The following TENM4 variants were observed in gnomAD, a reference collection of about 807,000 sequenced individuals.
TENM4 encodes teneurin-4.
TENM4 carries 82 observed loss-of-function variants against 243.3 expected under a neutral mutation model. The observed-to-expected ratio is 0.34, with a 90% CI of 0.28 to 0.40. The LOEUF is 0.40. TENM4 is among the 10% of genes least tolerant of loss of function. The pLI, the probability that TENM4 is intolerant of heterozygous loss-of-function variation, is 1.00. For missense variants in TENM4, 3,138 were observed against 3,673.3 expected (o/e 0.85, Z 3.77); for synonymous variants, 1,412 against 1,456.3 (o/e 0.97, Z 0.69).
At chr11:79,309,930 CA>C (rs1260144014) in intron 1 of TENM4, among the ~76,000 whole-genome samples, 1 of 152,174 alleles carries the variant, frequency 6.6e-6, no homozygotes, top group African/African-American at 2.4e-5. Context: ...ACTTGACTGC[CA>C]AGATAATCTG....
chr11:78,910,681 T>C (rs1257305902), intron 6 of TENM4, among the ~76,000 whole-genome samples: 1 of 152,244 alleles, frequency 6.6e-6, no homozygotes, highest in Non-Finnish European at 1.5e-5. Context: ...GTATTATTGT[T>C]ACCTGAACCT....
chr11:79,134,440 C>T (rs1862069748), intron 4 of TENM4, among the ~76,000 whole-genome samples: 1 of 152,054 alleles, frequency 6.6e-6, no homozygotes, highest in Admixed American at 6.6e-5. Context: ...TCTAAAAATT[C>T]AACCCAATTC....
Position 78,903,361 on chromosome 11 carries a change from G to C in TENM4, c.656C>G (p.Ser219Trp). 6.7e-7 allele frequency: 1 copy of C among 1,498,302 alleles called. No homozygotes were observed. 92.8% of individuals were successfully genotyped at this position (1,498,302 alleles called of 1,614,324 possible). A position where few individuals can be genotyped will look rare whatever the true frequency, so the allele number is the denominator to read the frequency against. ...GCCGGCAGGGGGCTCTCCGGAGAGC[G>C]AGTGGTCCGTGGGGGCCGGGCTGGG... ...SNPSPAPTDH[S>W]LSGEPPAGGA... The change falls in exon 7 of 34, where the codon TCG (serine) becomes TGG (tryptophan). Residue 219 changes from serine (S) to tryptophan (W), a missense_variant. Physicochemically the swap from Ser to Trp is radical, Grantham distance 177. Coordinates refer to ENST00000278550, the MANE Select transcript of TENM4 (RefSeq NM_001098816.3).
chr11:79,022,118 C>T (rs1858944819), intron 6 of TENM4, among the ~76,000 whole-genome samples: 1 of 152,202 alleles, frequency 6.6e-6, no homozygotes, highest in Admixed American at 6.5e-5. Flanking sequence ...ACCTTGCTGG[C>T]CTCCACCAAA....
intron 25 of TENM4, among the ~76,000 whole-genome samples, chr11:78,720,103 A>G (rs1859610664): frequency 6.6e-6 from 1 of 152,192 alleles, no homozygotes; most frequent in African/African-American, 2.4e-5. Context: ...TCAAATTACT[A>G]TTCCAAGGTT....
In TENM4 at chr11:79,278,764, G is replaced by A. The variant is rs570715482; in HGVS notation, c.-265+18724C>T. ...TCTCTCAGGAATTCTCAGAGCTTGC[G>A]GCTCCCAAGTGGTGCTGGGTATGTG... On this transcript the variant is annotated intron_variant, in intron 2 of 33. Coordinates refer to ENST00000278550, the MANE Select transcript of TENM4 (RefSeq NM_001098816.3). 6.6e-5 allele frequency among the ~76,000 whole-genome samples: 10 copies of A among 152,268 alleles called. No individual in the cohort carries two copies. In the East Asian group the frequency reaches 1.4e-3, roughly 21 times the overall value.
chr11:79,320,307 T>C (rs563444456), intron 1 of TENM4, among the ~76,000 whole-genome samples: 144 of 152,354 alleles, frequency 9.5e-4, no homozygotes, highest in Non-Finnish European at 1.5e-3. Flanking sequence ...AGCTGCATGA[T>C]GCAAACTATC....
chr11:78,708,899 C>T (rs542549930), intron 26 of TENM4, among the ~76,000 whole-genome samples: 2 of 151,800 alleles, frequency 1.3e-5, no homozygotes, highest in Non-Finnish European at 2.9e-5. Context: ...TCACCTATTT[C>T]TGAAGCTCTG....
intron 3 of TENM4, among the ~76,000 whole-genome samples, chr11:79,149,308 T>C (rs1279199306): frequency 6.6e-6 from 1 of 152,162 alleles, no homozygotes; most frequent in African/African-American, 2.4e-5. Context: ...TTACTTATAT[T>C]TGCTGTTGTT....
At chr11:79,322,918 C>T (rs1163140477) in intron 1 of TENM4, among the ~76,000 whole-genome samples, 1 of 152,198 alleles carries the variant, frequency 6.6e-6, no homozygotes, top group Admixed American at 6.5e-5. Context: ...AACCCAGTAC[C>T]TTCACCTCCT....
intron 19 of TENM4, among the ~76,000 whole-genome samples, chr11:78,754,888 C>G (rs757915583): frequency 7.2e-5 from 11 of 152,228 alleles, no homozygotes; most frequent in Non-Finnish European, 1.5e-4. Context: ...GGTTTGAATT[C>G]TGCCACGCAC....
chr11:78,722,954 G>A (rs766774412), intron 23 of TENM4, 37 bp from the exon 24 acceptor site: 1 of 1,601,926 alleles, frequency 6.2e-7, no homozygotes, highest in African/African-American at 1.3e-5. Flanking sequence ...CTGTGGAGCA[G>A]GAAATGGGTA....
chr11:78,732,270 A>T (rs758509444), intron 21 of TENM4, 46 bp downstream of exon 21: 1 of 1,546,546 alleles, frequency 6.5e-7, no homozygotes. Flanking sequence ...TCCACCCCCA[A>T]AATGAAATAA....
At chr11:78,707,176 A>ATT (rs1859277451) in intron 27 of TENM4, among the ~76,000 whole-genome samples, 3 of 152,236 alleles carry the variant, frequency 2.0e-5, no homozygotes, top group Non-Finnish European at 2.9e-5. Context: ...AGGGGTTTAA[A>ATT]AAGCTAAATG....
chr11:79,128,378 G>T (rs571389074), intron 4 of TENM4, among the ~76,000 whole-genome samples: 1 of 152,264 alleles, frequency 6.6e-6, no homozygotes, highest in South Asian at 2.1e-4. Context: ...CCATAAAGTG[G>T]CTCATGCACA....
chr11:79,006,677 C>T (rs1565164238), intron 6 of TENM4, among the ~76,000 whole-genome samples: 1 of 152,148 alleles, frequency 6.6e-6, no homozygotes, highest in Non-Finnish European at 1.5e-5. Context: ...AGGCACAGGC[C>T]TTAAGGCCTA....
intron 12 of TENM4, among the ~76,000 whole-genome samples, chr11:78,825,660 C>T (rs1857833738): frequency 6.6e-6 from 1 of 152,146 alleles, no homozygotes; most frequent in African/African-American, 2.4e-5. Flanking sequence ...GCTTGGTCCT[C>T]CAGGAGGTAG....
rs375506832 is a variant in TENM4, at chr11:79,318,679, T to C, written c.-320-21136A>G. Among the ~76,000 whole-genome samples the C allele has an allele frequency of 1.0e-3, 152 of 152,322 alleles. 5 individuals are homozygous for C. The South Asian group carries it at 0.028, about 28-fold the overall frequency. ...GTAACCTCTGGGGTAGAGTATAATG[T>C]AGTAAAATAACCAGAAACTGGTGAG... On this transcript the variant is annotated intron_variant, in intron 1 of 33. Transcript: ENST00000278550.
At position 78,670,178 on chromosome 11, in the gene TENM4, C is replaced by T. The variant is rs555192700; in HGVS notation, c.6167G>A (p.Arg2056His). Residue 2056 changes from arginine (R) to histidine (H), a missense_variant, in exon 32 of 34, where the codon CGC (arginine) becomes CAC (histidine). Transcript: ENST00000278550. ...LQNEGFTCTI[R>H]YRQIGPLIDR... is the part of the protein sequence containing the mutation. ...AATCAGGGGCCCAATCTGACGGTAG[C>T]GGATGGTGCAGGTGAAGCCCTCATT... is the stretch of plus-strand genomic sequence containing the variant. The T allele has an allele frequency of 1.1e-5, 18 of 1,613,944 alleles. No homozygotes were observed. The highest frequency in any genetic ancestry group is 2.7e-5 in the African/African-American group (2 of 75,038).
Sources: gnomAD v4.1 joint callset for allele counts (sites outside exome capture counted in the v4.1 genomes callset) on GRCh38, gnomAD v4.1.1 for gene constraint, MANE v1.5 for transcripts, NCBI Gene and HGNC (gene_info 2026-07-23, HGNC 2026-07-21) for gene names.